Variants in ENAH observed in about 807,000 individuals in gnomAD.
ENAH encodes protein enabled homolog.
In ENAH, 23 loss-of-function variants were observed where a neutral mutation model predicts 78.7. That is an observed-to-expected ratio of 0.29 (90% CI 0.21 to 0.41). ENAH has a LOEUF of 0.41. ENAH is among the 10% of genes least tolerant of loss of function. ENAH has a pLI of 1.00. For synonymous variants in ENAH, 226 were observed against 241.0 expected, an observed-to-expected ratio of 0.94 and a Z score of 0.58; for missense variants, 544 against 691.0, an observed-to-expected ratio of 0.79 and a Z score of 2.39.
intron 7 of ENAH, among the ~76,000 whole-genome samples, chr1:225,513,892 T>C (rs1361486934): frequency 6.6e-6 from 1 of 151,968 alleles, no homozygotes; most frequent in East Asian, 1.9e-4. Flanking sequence ...CTCAGGAGGC[T>C]GAGGCAAAAT....
chr1:225,560,634 G>A (rs1435422225), intron 2 of ENAH, among the ~76,000 whole-genome samples: 1 of 152,232 alleles, frequency 6.6e-6, no homozygotes, highest in Non-Finnish European at 1.5e-5. Flanking sequence ...TGGGACTATA[G>A]GCACAAGCCA....
chr1:225,608,815 CAAAAAAAAAAA>C (rs928281132), intron 1 of ENAH, among the ~76,000 whole-genome samples: 59 of 20,656 alleles, frequency 2.9e-3, no homozygotes, highest in East Asian at 0.011. Flanking sequence ...GACTCTGTCT[CAAAAAAAAAAA>C]AAAAAAAAAA....
Position 225,652,800 on chromosome 1 carries a change from A to T in ENAH, c.-110T>A. On this transcript the variant is annotated 5_prime_UTR_variant, in exon 1 of 14. In the 5' UTR this introduces an upstream ATG that the reference lacks. Coordinates refer to ENST00000366843, the MANE Select transcript of ENAH (RefSeq NM_018212.6). ...GGGAGCAGCTCGGAGACGGGAGACA[A>T]GTGTCCGGCTCCTCCTTCGGCGGCC... 1.1e-6 allele frequency: 1 copy of T among 934,524 alleles called. No individual in the cohort carries two copies. Among genetic ancestry groups the T allele is most frequent in the Non-Finnish European group, 1.4e-6 (1 of 705,028 alleles). The allele number at this position is 934,524 out of a possible 1,614,324, so 57.9% of individuals were successfully genotyped here.
chr1:225,589,087 T>C (rs2147857820), intron 1 of ENAH, among the ~76,000 whole-genome samples: 1 of 152,010 alleles, frequency 6.6e-6, no homozygotes. Context: ...GGTTCCTAGA[T>C]GAATTCTGGA....
chr1:225,577,407 CT>C (rs1171794369), intron 1 of ENAH, among the ~76,000 whole-genome samples: 1 of 152,202 alleles, frequency 6.6e-6, no homozygotes, highest in African/African-American at 2.4e-5. Context: ...GTGAATGCCA[CT>C]GACAAACAGC....
rs141332414 is a variant in ENAH, at chr1:225,554,962, T to C, written c.293A>G (p.Asn98Ser). 3.2e-5 allele frequency: 51 copies of C among 1,605,616 alleles called. No homozygotes were observed. Among genetic ancestry groups the C allele is most frequent in the Non-Finnish European group, 3.8e-5 (45 of 1,173,484 alleles). The change falls in exon 3 of 14, where the codon AAT becomes AGT. Residue 98 changes from asparagine (N) to serine (S), a missense_variant. Asn to Ser is a conservative substitution (Grantham distance 46). Coordinates refer to ENST00000366843, the MANE Select transcript of ENAH (RefSeq NM_018212.6). ...ATGCATCATGGCACTTGCGAAGACATTGGCATCCTCTTTGCTGCCAAAGTT... is the reference window on the plus strand; with the variant it reads ...ATGCATCATGGCACTTGCGAAGACACTGGCATCCTCTTTGCTGCCAAAGTT... ...GLNFGSKEDA[N>S]VFASAMMHAL...
At chr1:225,620,649 C>T (rs191469132) in intron 1 of ENAH, among the ~76,000 whole-genome samples, 221 of 152,302 alleles carry the variant, frequency 1.5e-3, no homozygotes, top group Non-Finnish European at 2.7e-3. Context: ...CTGCTACTTT[C>T]TATCAGATCT....
chr1:225,571,567 G>C (rs1295156518), intron 1 of ENAH, among the ~76,000 whole-genome samples: 1 of 152,032 alleles, frequency 6.6e-6, no homozygotes, highest in Admixed American at 6.6e-5. Context: ...CTTGGCTGAA[G>C]GGGCTTCTAG....
chr1:225,506,273 C>T (rs976053691), intron 11 of ENAH, among the ~76,000 whole-genome samples: 4 of 152,182 alleles, frequency 2.6e-5, no homozygotes, highest in African/African-American at 4.8e-5. Flanking sequence ...CTGCAACCTC[C>T]GTCTCCCAGG....
At chr1:225,500,152 T>TC in intron 12 of ENAH, among the ~76,000 whole-genome samples, 1 of 152,308 alleles carries the variant, frequency 6.6e-6, no homozygotes, top group Non-Finnish European at 1.5e-5. Flanking sequence ...GGCCACGTGC[T>TC]CCCCTTTAAA....
chr1:225,553,449 T>C (rs974097477), intron 3 of ENAH, among the ~76,000 whole-genome samples: 28 of 152,288 alleles, frequency 1.8e-4, no homozygotes, highest in Non-Finnish European at 2.1e-4. Context: ...GGATACACTT[T>C]TGAAAGTTTA....
intron 1 of ENAH, among the ~76,000 whole-genome samples, chr1:225,620,712 T>A (rs1157257161): frequency 6.6e-6 from 1 of 151,752 alleles, no homozygotes; most frequent in Non-Finnish European, 1.5e-5. Flanking sequence ...GCTCCTTAAA[T>A]GTGGAGATAG....
intron 3 of ENAH, among the ~76,000 whole-genome samples, chr1:225,537,883 A>C (rs750178024): frequency 1.3e-5 from 2 of 152,174 alleles, no homozygotes; most frequent in African/African-American, 2.4e-5. Context: ...GGAAAACGAC[A>C]GGCTGTTTAG....
chr1:225,503,610 G>A (rs1575310685), intron 11 of ENAH, among the ~76,000 whole-genome samples: 1 of 120,334 alleles, frequency 8.3e-6, no homozygotes, highest in South Asian at 2.7e-4. Context: ...ACTTTTCTAT[G>A]TACTAGCAAA....
At chr1:225,635,644 A>T (rs1370551458) in intron 1 of ENAH, among the ~76,000 whole-genome samples, 1 of 152,212 alleles carries the variant, frequency 6.6e-6, no homozygotes, top group African/African-American at 2.4e-5. Context: ...CCCTCAGTAT[A>T]TCACAATGTG....
chr1:225,528,406 T>C (rs997315806), intron 4 of ENAH, among the ~76,000 whole-genome samples: 1 of 151,910 alleles, frequency 6.6e-6, no homozygotes, highest in African/African-American at 2.4e-5. Flanking sequence ...GAGACAGTCA[T>C]GAGGGGGTGA....
intron 1 of ENAH, among the ~76,000 whole-genome samples, chr1:225,585,197 C>T (rs368748125): frequency 3.8e-5 from 4 of 106,636 alleles, no homozygotes; most frequent in East Asian, 6.4e-4. Flanking sequence ...ATCTGGGCGA[C>T]GGAGTGATAC....
intron 4 of ENAH, among the ~76,000 whole-genome samples, chr1:225,524,831 T>C (rs2096493033): frequency 6.6e-6 from 1 of 152,254 alleles, no homozygotes. Context: ...TTAGAATATG[T>C]TTCCTCATCA....
chr1:225,647,077 T>C (rs1481779464), intron 1 of ENAH, among the ~76,000 whole-genome samples: 1 of 151,818 alleles, frequency 6.6e-6, no homozygotes, highest in Admixed American at 6.6e-5. Flanking sequence ...ATACAAAAAA[T>C]TAGCTGGGCG....
Sources: gnomAD v4.1 joint callset for allele counts (sites outside exome capture counted in the v4.1 genomes callset) on GRCh38, gnomAD v4.1.1 for gene constraint, MANE v1.5 for transcripts, NCBI Gene and HGNC (gene_info 2026-07-23, HGNC 2026-07-21) for gene names.